Variants in COG2 observed in about 807,000 individuals in gnomAD.
COG2 encodes the protein conserved oligomeric Golgi complex subunit 2.
COG2 carries 52 observed loss-of-function variants against 90.6 expected under a neutral mutation model. The observed-to-expected ratio is 0.57, with a 90% CI of 0.46 to 0.72. The LOEUF (loss-of-function observed/expected upper bound fraction) is 0.72, where lower values mean the gene tolerates loss of function less well. Among genes scored for constraint, COG2 ranks in the 30% least tolerant of loss-of-function variants. The pLI, the probability that COG2 is intolerant of heterozygous loss-of-function variation, is 0.00. For missense variants in COG2, 829 were observed against 891.2 expected (o/e 0.93, Z 0.89); for synonymous variants, 337 against 320.4 (o/e 1.05, Z -0.55).
intron 17 of COG2, among the ~76,000 whole-genome samples, chr1:230,692,748 G>A (rs182849262): frequency 6.6e-6 from 1 of 151,284 alleles, no homozygotes; most frequent in Non-Finnish European, 1.5e-5. Flanking sequence ...TGTGGTGCGT[G>A]TGTGTGTGTG....
rs1445317495 is a variant in COG2 at position 230,678,775 on chromosome 1, C to T, written c.1027-138C>T. On this transcript the variant is annotated intron_variant, in intron 9 of 17. Coordinates refer to ENST00000366669, the MANE Select transcript of COG2 (RefSeq NM_007357.3). ...TAAATGGGGACATTGGAAGAAAGAT[C>T]TTGTAAGTTCCTTGTTAACTCTAGA... 3 of 1,546,144 alleles carry T rather than the reference C, an allele frequency of 1.9e-6. No individual in the cohort carries two copies. In the African/African-American group the frequency reaches 4.1e-5, roughly 21 times the overall value.
intron 7 of COG2, chr1:230,669,801 G>T: frequency 3.0e-6 from 1 of 336,700 alleles, no homozygotes; most frequent in Non-Finnish European, 5.4e-6. Context: ...GCATCCACGT[G>T]CTTTTAGGTC....
At chr1:230,671,462 C>T (rs1275917148) in intron 7 of COG2, 54 bp from the exon 8 acceptor site, 3 of 1,502,632 alleles carry the variant, frequency 2.0e-6, no homozygotes, top group African/African-American at 1.4e-5. Flanking sequence ...TGAAATAGAT[C>T]GTTTGTACTT....
At chr1:230,649,564 G>C (rs1661864868) in intron 1 of COG2, among the ~76,000 whole-genome samples, 1 of 152,024 alleles carries the variant, frequency 6.6e-6, no homozygotes, top group East Asian at 1.9e-4. Context: ...CATAATGTTT[G>C]TTTACATGTT....
chr1:230,692,012 T>C (rs1221281232), intron 17 of COG2, among the ~76,000 whole-genome samples: 1 of 152,186 alleles, frequency 6.6e-6, no homozygotes, highest in Non-Finnish European at 1.5e-5. Context: ...GTAGCTTTCC[T>C]ATAAAACACA....
intron 15 of COG2, among the ~76,000 whole-genome samples, chr1:230,689,697 G>GT (rs1303651400): frequency 5.3e-5 from 8 of 152,204 alleles, no homozygotes. Context: ...AGATCACCAG[G>GT]TGATTGGTGT....
chr1:230,678,794 C>T, intron 9 of COG2, 119 bp from the exon 10 acceptor site: 3 of 1,564,454 alleles, frequency 1.9e-6, no homozygotes, highest in Non-Finnish European at 2.6e-6. Flanking sequence ...TCCTTGTTAA[C>T]TCTAGAAACT....
Position 230,663,236 on chromosome 1 carries a change from T to TA in COG2, c.381+16dup. The stretch of plus-strand genomic sequence containing the variant: ...GGAAAAAAAAGGTATACTCAAATAT[T>TA]ACAATATTAAATCGTTGATTCACTG... On this transcript the variant is annotated intron_variant, in intron 4 of 17. Transcript: ENST00000366669. 1 of 1,598,846 alleles carries TA rather than the reference T, an allele frequency of 6.3e-7. No individual in the cohort carries two copies. Among genetic ancestry groups the TA allele is most frequent in the African/African-American group, 1.3e-5 (1 of 74,478 alleles).
intron 1 of COG2, chr1:230,643,115 A>C (rs1381168352): frequency 6.3e-6 from 1 of 159,478 alleles, no homozygotes; most frequent in Non-Finnish European, 1.4e-5. Flanking sequence ...CTTAATCTGA[A>C]GTTTTGCTTA....
At chr1:230,671,451 C>A in intron 7 of COG2, 65 bp from the exon 8 acceptor site, 1 of 1,449,382 alleles carries the variant, frequency 6.9e-7, no homozygotes, top group Non-Finnish European at 9.4e-7. Context: ...ATTGTTTTCT[C>A]TGAAATAGAT....
At chr1:230,647,129 A>G (rs961967353) in intron 1 of COG2, among the ~76,000 whole-genome samples, 1 of 152,108 alleles carries the variant, frequency 6.6e-6, no homozygotes, top group Non-Finnish European at 1.5e-5. Context: ...TACACCATGA[A>G]AACATGAGAA....
At chr1:230,656,463 C>A (rs1167334544) in intron 1 of COG2, among the ~76,000 whole-genome samples, 1 of 152,148 alleles carries the variant, frequency 6.6e-6, no homozygotes, top group Non-Finnish European at 1.5e-5. Flanking sequence ...GATTTTCATT[C>A]TTTTGCATTT....
chr1:230,645,265 A>G (rs868039931), intron 1 of COG2, among the ~76,000 whole-genome samples: 9 of 151,458 alleles, frequency 5.9e-5, no homozygotes, highest in African/African-American at 2.2e-4. Flanking sequence ...AAGAAAATGT[A>G]CAAACACTCT....
chr1:230,678,874 T>C, intron 9 of COG2, 39 bp from the exon 10 acceptor site: 1 of 1,598,420 alleles, frequency 6.3e-7, no homozygotes, highest in Non-Finnish European at 8.5e-7. Flanking sequence ...TTCTAGTTAG[T>C]GTTCTAATAA....
intron 1 of COG2, among the ~76,000 whole-genome samples, chr1:230,655,675 A>G (rs1662029334): frequency 6.6e-6 from 1 of 152,228 alleles, no homozygotes; most frequent in Admixed American, 6.5e-5. Flanking sequence ...AAGGAATGGT[A>G]CCAGCTCCTC....
intron 17 of COG2, among the ~76,000 whole-genome samples, chr1:230,692,750 G>T (rs1042279107): frequency 6.6e-6 from 1 of 150,684 alleles, no homozygotes; most frequent in African/African-American, 2.4e-5. Flanking sequence ...TGGTGCGTGT[G>T]TGTGTGTGCG....
intron 1 of COG2, among the ~76,000 whole-genome samples, chr1:230,657,762 T>C (rs964544368): frequency 1.3e-5 from 2 of 152,132 alleles, no homozygotes; most frequent in Non-Finnish European, 2.9e-5. Context: ...CTTTGTTCTT[T>C]CCTTTTTATT....
intron 1 of COG2, among the ~76,000 whole-genome samples, chr1:230,643,851 T>C (rs1394557486): frequency 6.6e-6 from 1 of 152,162 alleles, no homozygotes; most frequent in Admixed American, 6.5e-5. Context: ...CAGAAACCCT[T>C]CGTTTTGCCT....
chr1:230,690,171 A>G lies in COG2; in HGVS notation c.1934+18A>G, dbSNP rs749878639. 8 of 1,609,980 alleles carry G rather than the reference A, an allele frequency of 5.0e-6. No homozygotes were observed. The highest frequency in any genetic ancestry group is 3.4e-5 in the Admixed American group (2 of 59,482). ...ACTCATAAGTAAGTAAATTAAAAGCAGACCTTGTGGGCCTTGCTTAGAAGA... is the reference window on the plus strand; with the variant it reads ...ACTCATAAGTAAGTAAATTAAAAGCGGACCTTGTGGGCCTTGCTTAGAAGA... On this transcript the variant is annotated intron_variant, in intron 16 of 17. Transcript: ENST00000366669.
Sources: allele counts gnomAD v4.1 joint callset (sites outside exome capture counted in the v4.1 genomes callset), GRCh38; gene constraint gnomAD v4.1.1; transcripts MANE v1.5; gene names NCBI Gene and HGNC (gene_info 2026-07-23, HGNC 2026-07-21).